KCNH5: variants seen among roughly 807,000 people sequenced by gnomAD.
KCNH5 encodes potassium voltage-gated channel subfamily H member 5.
In KCNH5, 46 loss-of-function variants were observed where a neutral mutation model predicts 96.1. That is an observed-to-expected ratio of 0.48 (90% CI 0.38 to 0.61). The LOEUF (loss-of-function observed/expected upper bound fraction) is 0.61, where lower values mean the gene tolerates loss of function less well. Ranked by LOEUF, KCNH5 falls within the 20% of genes least tolerant of loss-of-function variation. The probability of loss-of-function intolerance (pLI) is 0.00; values close to 1 mark genes in which losing one functional copy is unlikely to be tolerated. For synonymous variants in KCNH5, 439 were observed against 449.8 expected (o/e 0.98, Z 0.30); for missense variants, 907 against 1,225.8 (o/e 0.74, Z 3.88).
At chr14:62,866,933 G>A (rs1224667626) in intron 7 of KCNH5, among the ~76,000 whole-genome samples, 2 of 152,050 alleles carry the variant, frequency 1.3e-5, no homozygotes, top group African/African-American at 4.8e-5. Flanking sequence ...GTAATATTAA[G>A]GTTTCCTAGG....
chr14:62,961,844 A>C (rs2139543203), intron 6 of KCNH5, among the ~76,000 whole-genome samples: 2 of 151,880 alleles, frequency 1.3e-5, no homozygotes, highest in Middle Eastern at 6.8e-3. Context: ...GGAGATGGAG[A>C]TGCAGATGGA....
intron 8 of KCNH5, among the ~76,000 whole-genome samples, chr14:62,832,273 T>C (rs187395026): frequency 1.7e-3 from 256 of 152,288 alleles, no homozygotes; most frequent in African/African-American, 5.8e-3. Flanking sequence ...GAAACTTGTA[T>C]GCATTGAATA....
In KCNH5 at chr14:62,769,505, A is replaced by G. The variant is rs150406954; in HGVS notation, c.2019+10223T>C. On this transcript the variant is annotated intron_variant, in intron 10 of 10. Transcript: ENST00000322893. The stretch of plus-strand genomic sequence containing the variant: ...ATCGGGTGATCTCAATTCACTCCAC[A>G]GTGATATCAAAATTGCTGTACTACT... Among the ~76,000 whole-genome samples, 539 of 152,354 alleles carry G rather than the reference A, an allele frequency of 3.5e-3. 5 individuals are homozygous for G. Among genetic ancestry groups the G allele is most frequent in the Non-Finnish European group, 5.7e-3 (388 of 68,028 alleles).
intron 1 of KCNH5, among the ~76,000 whole-genome samples, chr14:63,021,955 T>C (rs941860439): frequency 3.3e-5 from 5 of 152,130 alleles, no homozygotes; most frequent in African/African-American, 1.2e-4. Context: ...CTAAGTCCTC[T>C]CCTTTCTTTA....
intron 1 of KCNH5, among the ~76,000 whole-genome samples, chr14:63,037,766 C>T (rs1346267361): frequency 6.6e-6 from 1 of 152,182 alleles, no homozygotes. Context: ...TCTTCTGCTG[C>T]ATACTGCACA....
At chr14:62,710,560 T>C (rs1884546032) in intron 10 of KCNH5, among the ~76,000 whole-genome samples, 1 of 152,228 alleles carries the variant, frequency 6.6e-6, no homozygotes, top group South Asian at 2.1e-4. Flanking sequence ...CTCACTTTGA[T>C]TCTATGGGTG....
chr14:62,923,679 A>T (rs1335318292), intron 7 of KCNH5, among the ~76,000 whole-genome samples: 1 of 151,946 alleles, frequency 6.6e-6, no homozygotes, highest in Non-Finnish European at 1.5e-5. Flanking sequence ...TGTAAAGTCA[A>T]CTAATCTTCA....
chr14:63,023,240 A>T (rs1014875177), intron 1 of KCNH5, among the ~76,000 whole-genome samples: 2 of 151,916 alleles, frequency 1.3e-5, no homozygotes, highest in African/African-American at 4.8e-5. Context: ...TTATCTGCCT[A>T]TTGGATTATA....
intron 7 of KCNH5, among the ~76,000 whole-genome samples, chr14:62,904,334 A>G (rs114380774): frequency 6.8e-4 from 103 of 152,286 alleles, no homozygotes; most frequent in African/African-American, 2.3e-3. Flanking sequence ...CAGCCATACT[A>G]CCTCACTTGT....
chr14:62,988,761 C>T (rs1890757221), intron 4 of KCNH5, among the ~76,000 whole-genome samples: 1 of 152,050 alleles, frequency 6.6e-6, no homozygotes, highest in South Asian at 2.1e-4. Flanking sequence ...GAAAAACCAA[C>T]ATGCAATCTC....
At chr14:62,909,132 G>A (rs918985846) in intron 7 of KCNH5, among the ~76,000 whole-genome samples, 2 of 129,518 alleles carry the variant, frequency 1.5e-5, no homozygotes, top group East Asian at 2.4e-4. Flanking sequence ...TGCAAGCTCC[G>A]CCTCCCGGGT....
chr14:62,855,112 C>G (rs540221084), intron 7 of KCNH5, among the ~76,000 whole-genome samples: 1 of 151,656 alleles, frequency 6.6e-6, no homozygotes, highest in Non-Finnish European at 1.5e-5. Context: ...TGAGGAAGCC[C>G]GAGCATTTTT....
Position 62,707,459 on chromosome 14 carries a change from C to T in KCNH5, c.*49G>A, listed in dbSNP as rs2139898178. On this transcript the variant is annotated 3_prime_UTR_variant, in exon 11 of 11. Transcript: ENST00000322893. ...TATATGTATATACTGTATATACACACATATGTATATACTGTTTTAATATAT... is the reference window on the plus strand; with the variant it reads ...TATATGTATATACTGTATATACACATATATGTATATACTGTTTTAATATAT... 5.9e-6 allele frequency: 5 copies of T among 851,318 alleles called. No homozygotes were observed. The African/African-American group carries it at 7.0e-5, about 12-fold the overall frequency. The allele number at this position is 851,318 out of a possible 1,614,324, so 52.7% of individuals were successfully genotyped here. A position where few individuals can be genotyped will look rare whatever the true frequency, so the allele number is the denominator to read the frequency against.
chr14:62,972,676 G>T (rs549365126), intron 6 of KCNH5, among the ~76,000 whole-genome samples: 1 of 146,886 alleles, frequency 6.8e-6, no homozygotes, highest in South Asian at 2.2e-4. Context: ...ATTCAGCACA[G>T]AAAAAAAAAA....
intron 1 of KCNH5, among the ~76,000 whole-genome samples, chr14:63,028,836 C>G (rs1333032373): frequency 6.6e-6 from 1 of 152,148 alleles, no homozygotes; most frequent in Admixed American, 6.6e-5. Flanking sequence ...AGAATATGGA[C>G]AATTCACATA....
intron 7 of KCNH5, among the ~76,000 whole-genome samples, chr14:62,932,529 T>C (rs1343669203): frequency 8.6e-6 from 1 of 116,746 alleles, no homozygotes; most frequent in Admixed American, 7.9e-5. Context: ...AGCCAAATAA[T>C]AAGAATTTCA....
At chr14:62,830,630 C>T (rs1031768978) in intron 8 of KCNH5, among the ~76,000 whole-genome samples, 2 of 149,216 alleles carry the variant, frequency 1.3e-5, no homozygotes, top group African/African-American at 2.4e-5. Flanking sequence ...ATGGAGGAAA[C>T]CACCCCCCGA....
rs942661671 is a variant in KCNH5, at chr14:62,795,030, G to A, written c.1822+7299C>T. ...GAAAGGAGCAACTTATCAGAGAGCC[G>A]TGTGTGGTCTGAGATACTTAACACA... is the stretch of plus-strand genomic sequence containing the variant. On this transcript the variant is annotated intron_variant, in intron 9 of 10. Transcript: ENST00000322893. Among the ~76,000 whole-genome samples, 15 of 152,242 alleles carry A rather than the reference G, an allele frequency of 9.9e-5. 1 individual carries two copies. Among genetic ancestry groups the A allele is most frequent in the South Asian group, 4.1e-4 (2 of 4,824 alleles).
At chr14:62,957,015 C>G (rs1890117014) in intron 6 of KCNH5, among the ~76,000 whole-genome samples, 1 of 152,166 alleles carries the variant, frequency 6.6e-6, no homozygotes, top group South Asian at 2.1e-4. Flanking sequence ...CACTGTGGAA[C>G]AGAATATCAA....
Sources: gnomAD v4.1 joint callset for allele counts (sites outside exome capture counted in the v4.1 genomes callset) on GRCh38, gnomAD v4.1.1 for gene constraint, MANE v1.5 for transcripts, NCBI Gene and HGNC (gene_info 2026-07-23, HGNC 2026-07-21) for gene names.